Variants in RPS6KC1 observed in about 807,000 individuals in gnomAD.
RPS6KC1 encodes ribosomal protein S6 kinase C1.
RPS6KC1 carries 54 observed loss-of-function variants against 103.8 expected under a neutral mutation model. That is an observed-to-expected ratio of 0.52 (90% confidence interval 0.42 to 0.65). The LOEUF (loss-of-function observed/expected upper bound fraction) is 0.65. Among genes scored for constraint, RPS6KC1 ranks in the 30% least tolerant of loss-of-function variants. The probability of loss-of-function intolerance (pLI) is 0.00; values close to 1 mark genes in which losing one functional copy is unlikely to be tolerated. For synonymous variants in RPS6KC1, 439 were observed against 438.7 expected, an observed-to-expected ratio of 1.00 and a Z score of -0.01; for missense variants, 1,151 against 1,253.8, an observed-to-expected ratio of 0.92 and a Z score of 1.24.
At chr1:213,587,304 G>T in the RPS6KC1 span, among the ~76,000 whole-genome samples, 1 of 152,154 alleles carries the variant, frequency 6.6e-6, no homozygotes, top group Non-Finnish European at 1.5e-5. Flanking sequence ...AGAGGGGAAG[G>T]CAGGGCAGCC....
the RPS6KC1 span, among the ~76,000 whole-genome samples, chr1:213,785,025 GC>G: frequency 6.6e-6 from 1 of 152,156 alleles, no homozygotes; most frequent in South Asian, 2.1e-4. Flanking sequence ...GTTATCAAGT[GC>G]AAAATATTTC....
chr1:213,140,726 G>T (rs2086915792), intron 6 of RPS6KC1, among the ~76,000 whole-genome samples: 1 of 152,038 alleles, frequency 6.6e-6, no homozygotes, highest in African/African-American at 2.4e-5. Context: ...TGTGCTGCTG[G>T]ATTCCTTTTG....
chr1:213,329,468 T>C, the RPS6KC1 span, among the ~76,000 whole-genome samples: 3 of 152,240 alleles, frequency 2.0e-5, no homozygotes, highest in East Asian at 5.8e-4. Context: ...AGAATGGCAG[T>C]TGTCTTGGGG....
the RPS6KC1 span, among the ~76,000 whole-genome samples, chr1:213,438,689 AT>A: frequency 6.6e-6 from 1 of 152,212 alleles, no homozygotes; most frequent in Non-Finnish European, 1.5e-5. Flanking sequence ...TCAGCCTCTC[AT>A]TCTAGTACAG....
chr1:213,286,427 A>C, the RPS6KC1 span, among the ~76,000 whole-genome samples: 2 of 152,248 alleles, frequency 1.3e-5, no homozygotes. Flanking sequence ...AAAAGGACTC[A>C]GAGCCTCCTA....
chr1:213,097,039 A>G (rs757216073), intron 3 of RPS6KC1, among the ~76,000 whole-genome samples: 8 of 152,202 alleles, frequency 5.3e-5, no homozygotes, highest in Non-Finnish European at 8.8e-5. Flanking sequence ...CGAGTGAACC[A>G]GATTCATTGT....
chr1:213,298,190 C>T, the RPS6KC1 span, among the ~76,000 whole-genome samples: 2 of 152,198 alleles, frequency 1.3e-5, no homozygotes, highest in African/African-American at 2.4e-5. Flanking sequence ...TCGTCTTCTA[C>T]GTTCTAGCAA....
intron 3 of RPS6KC1, among the ~76,000 whole-genome samples, chr1:213,079,239 C>T (rs2079637558): frequency 6.6e-6 from 1 of 152,060 alleles, no homozygotes; most frequent in Admixed American, 6.6e-5. Context: ...TTACAAATAA[C>T]ACTGCAGTTA....
the RPS6KC1 span, among the ~76,000 whole-genome samples, chr1:213,530,238 C>T: frequency 6.6e-6 from 1 of 152,130 alleles, no homozygotes; most frequent in Admixed American, 6.5e-5. Context: ...TCTCCCCTAC[C>T]TTAGGAAGCA....
At chr1:213,151,909 C>T (rs1346910457) in intron 6 of RPS6KC1, among the ~76,000 whole-genome samples, 6 of 120,004 alleles carry the variant, frequency 5.0e-5, no homozygotes, top group South Asian at 2.9e-4. Flanking sequence ...CAAGACGGGG[C>T]GGCTGGCCGG....
chr1:213,625,588 C>T, the RPS6KC1 span, among the ~76,000 whole-genome samples: 1 of 152,230 alleles, frequency 6.6e-6, no homozygotes, highest in African/African-American at 2.4e-5. Context: ...CCTCCTCCGA[C>T]CCCACAACAG....
chr1:213,234,728 ACTT>A (rs1370235602), intron 10 of RPS6KC1, among the ~76,000 whole-genome samples: 1 of 152,192 alleles, frequency 6.6e-6, no homozygotes, highest in Non-Finnish European at 1.5e-5. Flanking sequence ...AAACCATTGG[ACTT>A]CTTAAGGGGT....
chr1:213,357,018 G>A, the RPS6KC1 span, among the ~76,000 whole-genome samples: 1 of 152,184 alleles, frequency 6.6e-6, no homozygotes, highest in Non-Finnish European at 1.5e-5. Context: ...GCACAGGGAG[G>A]GGCAGAAAGC....
At chr1:213,505,577 T>C in the RPS6KC1 span, among the ~76,000 whole-genome samples, 1 of 152,212 alleles carries the variant, frequency 6.6e-6, no homozygotes, top group Non-Finnish European at 1.5e-5. Context: ...GCACACTGGC[T>C]GACACATCGT....
chr1:213,810,965 C>A, the RPS6KC1 span, among the ~76,000 whole-genome samples: 1 of 152,198 alleles, frequency 6.6e-6, no homozygotes, highest in Non-Finnish European at 1.5e-5. Context: ...GGTTTACTTC[C>A]ATGGGCAAGA....
the RPS6KC1 span, among the ~76,000 whole-genome samples, chr1:213,846,397 C>T: frequency 1.3e-5 from 2 of 152,134 alleles, no homozygotes; most frequent in African/African-American, 4.8e-5. Flanking sequence ...ACTAACAGCG[C>T]CTCCACTTCA....
the RPS6KC1 span, among the ~76,000 whole-genome samples, chr1:213,630,246 A>C: frequency 2.0e-5 from 3 of 152,106 alleles, no homozygotes; most frequent in Non-Finnish European, 4.4e-5. Flanking sequence ...TGGTCTTTTC[A>C]CATAGTCCCA....
the RPS6KC1 span, among the ~76,000 whole-genome samples, chr1:213,861,212 G>A: frequency 2.0e-5 from 3 of 152,204 alleles, no homozygotes; most frequent in African/African-American, 7.2e-5. Context: ...ATAGAGGGCT[G>A]ATTCAGAGTG....
the RPS6KC1 span, among the ~76,000 whole-genome samples, chr1:213,491,544 C>CCAAA: frequency 0.018 from 2,724 of 151,822 alleles, 56 homozygotes; most frequent in African/African-American, 0.051. Flanking sequence ...CAAGACTGTG[C>CCAAA]CAAACAAACA....
Sources: gnomAD v4.1 joint callset for allele counts (sites outside exome capture counted in the v4.1 genomes callset) on GRCh38, gnomAD v4.1.1 for gene constraint, MANE v1.5 for transcripts, NCBI Gene and HGNC (gene_info 2026-07-23, HGNC 2026-07-21) for gene names.